Variants in DGKB observed in about 807,000 individuals in gnomAD.
DGKB encodes the protein 90 kDa diacylglycerol kinase.
In DGKB, 67 loss-of-function variants were observed where a neutral mutation model predicts 114.3. The observed-to-expected ratio is 0.59, with a 90% CI of 0.48 to 0.72. DGKB has a LOEUF of 0.72. Ranked by LOEUF, DGKB falls within the 30% of genes least tolerant of loss-of-function variation. The pLI, the probability that DGKB is intolerant of heterozygous loss-of-function variation, is 0.00. For synonymous variants in DGKB, 398 were observed against 323.1 expected (o/e 1.23, Z -2.49); for missense variants, 907 against 975.2 (o/e 0.93, Z 0.93).
chr7:14,790,373 T>G (rs1356809430), intron 2 of DGKB, among the ~76,000 whole-genome samples: 1 of 152,184 alleles, frequency 6.6e-6, no homozygotes, highest in Non-Finnish European at 1.5e-5. Flanking sequence ...CTAGCGTTAG[T>G]TCCCAAAGAT....
intron 25 of DGKB, among the ~76,000 whole-genome samples, chr7:14,152,728 A>AATC (rs1360339095): frequency 2.0e-5 from 3 of 152,144 alleles, no homozygotes; most frequent in African/African-American, 7.2e-5. Flanking sequence ...CCAGTAACAG[A>AATC]ATCAAAGATT....
intron 12 of DGKB, among the ~76,000 whole-genome samples, chr7:14,680,305 C>A (rs1177552088): frequency 6.6e-6 from 1 of 151,912 alleles, no homozygotes; most frequent in Non-Finnish European, 1.5e-5. Flanking sequence ...CAAACAAAAT[C>A]ACATTCAGCT....
chr7:14,259,655 G>A (rs541968147), intron 23 of DGKB, among the ~76,000 whole-genome samples: 1 of 152,144 alleles, frequency 6.6e-6, no homozygotes, highest in East Asian at 2.0e-4. Context: ...TGAACTCCTG[G>A]CCTCAGGTGA....
At chr7:14,675,440 T>A (rs1311354386) in intron 12 of DGKB, among the ~76,000 whole-genome samples, 1 of 152,044 alleles carries the variant, frequency 6.6e-6, no homozygotes, top group African/African-American at 2.4e-5. Context: ...GCATTTAGGC[T>A]AGTTTCCCAG....
In DGKB at chr7:14,185,126, C is replaced by T. The variant is rs190849612; in HGVS notation, c.2123-6975G>A. Among the ~76,000 whole-genome samples, 314 of 152,174 alleles carry T rather than the reference C, an allele frequency of 2.1e-3. 1 individual carries two copies. The highest frequency in any genetic ancestry group is 3.6e-3 in the Non-Finnish European group (246 of 68,012). On this transcript the variant is annotated intron_variant, in intron 23 of 25. Transcript: ENST00000402815. ...GATATAATCTTTTACTTTGAAAACC[C>T]TAAGGACTCCTCCAGAAAGCTCCTA...
At chr7:14,503,514 A>G (rs537165446) in intron 20 of DGKB, among the ~76,000 whole-genome samples, 14 of 152,158 alleles carry the variant, frequency 9.2e-5, no homozygotes, top group Non-Finnish European at 1.0e-4. Flanking sequence ...TCATTTAATT[A>G]TATTGGGAGT....
chr7:14,564,675 G>A (rs536118074), intron 20 of DGKB, among the ~76,000 whole-genome samples: 19 of 151,990 alleles, frequency 1.3e-4, no homozygotes, highest in African/African-American at 4.3e-4. Flanking sequence ...ATCTTCACTG[G>A]CCCAATTTCT....
chr7:14,177,554 C>CAAAAAAAAAAAAAAGAAAAAAAAAAAA (rs1781955821), intron 24 of DGKB, among the ~76,000 whole-genome samples: 1 of 69,016 alleles, frequency 1.4e-5, no homozygotes, highest in Non-Finnish European at 2.7e-5. Flanking sequence ...AACTCCGTCT[C>CAAAAAAAAAAAAAAGAAAAAAAAAAAA]AAAAAAAAAA....
chr7:14,954,793 G>C (rs182889748), intron 1 of DGKB, among the ~76,000 whole-genome samples: 1 of 152,164 alleles, frequency 6.6e-6, no homozygotes, highest in East Asian at 1.9e-4. Context: ...TAGCCAAGTG[G>C]AGATAACCAG....
At chr7:14,664,732 C>T (rs1817719487) in intron 13 of DGKB, among the ~76,000 whole-genome samples, 1 of 151,948 alleles carries the variant, frequency 6.6e-6, no homozygotes, top group South Asian at 2.1e-4. Context: ...AAGATTCCCA[C>T]CTCTAGAGCC....
chr7:14,702,990 T>C (rs944204958), intron 6 of DGKB, among the ~76,000 whole-genome samples: 2 of 152,188 alleles, frequency 1.3e-5, no homozygotes, highest in African/African-American at 2.4e-5. Flanking sequence ...GCAATAATAC[T>C]AAACTGGCTA....
chr7:14,238,494 GA>G (rs1316648897), intron 23 of DGKB, among the ~76,000 whole-genome samples: 1 of 78,974 alleles, frequency 1.3e-5, no homozygotes, highest in Admixed American at 1.2e-4. Flanking sequence ...TAATACTTTT[GA>G]TTTTTTTACT....
At chr7:14,422,807 G>C (rs1826920016) in intron 21 of DGKB, among the ~76,000 whole-genome samples, 2 of 151,954 alleles carry the variant, frequency 1.3e-5, no homozygotes, top group Non-Finnish European at 2.9e-5. Context: ...AATAATAGTA[G>C]TAGTAATAAG....
chr7:14,156,580 A>G (rs1002376827), intron 25 of DGKB, among the ~76,000 whole-genome samples: 1 of 152,164 alleles, frequency 6.6e-6, no homozygotes, highest in African/African-American at 2.4e-5. Flanking sequence ...AAAAATATGA[A>G]AACTCTTCTT....
chr7:14,528,143 T>C (rs1347327673), intron 20 of DGKB, among the ~76,000 whole-genome samples: 1 of 152,152 alleles, frequency 6.6e-6, no homozygotes, highest in Admixed American at 6.6e-5. Flanking sequence ...TTTATACATA[T>C]TTTGTATTCA....
chr7:14,327,485 C>G (rs1439347047), intron 23 of DGKB, among the ~76,000 whole-genome samples: 2 of 151,966 alleles, frequency 1.3e-5, no homozygotes, highest in Non-Finnish European at 2.9e-5. Context: ...ATATCTAACT[C>G]AAAATAGCAC....
At chr7:14,415,532 G>A (rs1342714951) in intron 21 of DGKB, among the ~76,000 whole-genome samples, 1 of 148,714 alleles carries the variant, frequency 6.7e-6, no homozygotes, top group Non-Finnish European at 1.5e-5. Context: ...TTGGTTTTTT[G>A]TTCTTGCGAT....
chr7:14,785,234 A>G (rs1177274096), intron 2 of DGKB, among the ~76,000 whole-genome samples: 1 of 152,220 alleles, frequency 6.6e-6, no homozygotes, highest in Admixed American at 6.5e-5. Context: ...AGGTTTATAA[A>G]TAACAAATAG....
chr7:14,874,633 G>A (rs529345111), intron 1 of DGKB, among the ~76,000 whole-genome samples: 9 of 151,926 alleles, frequency 5.9e-5, no homozygotes, highest in African/African-American at 2.2e-4. Context: ...TAGTTAATAT[G>A]TTTCCTCTGT....
Sources: allele counts gnomAD v4.1 joint callset (sites outside exome capture counted in the v4.1 genomes callset), GRCh38; gene constraint gnomAD v4.1.1; transcripts MANE v1.5; gene names NCBI Gene and HGNC (gene_info 2026-07-23, HGNC 2026-07-21).